The following C4orf50 variants were observed in gnomAD, a reference collection of about 807,000 sequenced individuals.
The protein encoded by C4orf50 is uncharacterized protein C4orf50.
In C4orf50, 80 loss-of-function variants were observed where a neutral mutation model predicts 77.2. The observed-to-expected ratio is 1.04, with a 90% CI of 0.87 to 1.25. The LOEUF (loss-of-function observed/expected upper bound fraction) is 1.25. Ranked by LOEUF, C4orf50 falls within the 50% of genes most tolerant of loss-of-function variation. The probability of loss-of-function intolerance (pLI) is 0.00; values close to 1 mark genes in which losing one functional copy is unlikely to be tolerated. For synonymous variants in C4orf50, 532 were observed against 465.3 expected (o/e 1.14, Z -1.84); for missense variants, 1,257 against 1,152.9 (o/e 1.09, Z -1.31).
chr4:5,909,384 G>C (rs116340590), intron 7 of C4orf50, among the ~76,000 whole-genome samples: 1,529 of 152,248 alleles, frequency 0.01, 20 homozygotes, highest in African/African-American at 0.035. Flanking sequence ...TGAATTGTTT[G>C]AGTTCCTTGT....
chr4:5,996,764 T>C (rs966962453), intron 25 of C4orf50, among the ~76,000 whole-genome samples: 3 of 152,160 alleles, frequency 2.0e-5, no homozygotes, highest in Admixed American at 1.3e-4. Context: ...TGCAGGAGCC[T>C]CAACCCAAAC....
intron 25 of C4orf50, among the ~76,000 whole-genome samples, chr4:6,006,559 C>T (rs1722260045): frequency 2.0e-5 from 3 of 152,232 alleles, no homozygotes; most frequent in Non-Finnish European, 4.4e-5. Flanking sequence ...TATCACCTGC[C>T]TTCATAAGCA....
chr4:5,964,560 G>A (rs979094928), intron 33 of C4orf50, among the ~76,000 whole-genome samples: 14 of 152,024 alleles, frequency 9.2e-5, no homozygotes, highest in African/African-American at 3.4e-4. Flanking sequence ...ATGAGGTCAG[G>A]AGTTCGAGAC....
rs1431437599 is a variant in C4orf50 at position 5,900,275 on chromosome 4, T to C, written c.*2475-2087A>G. The C allele has an allele frequency of 6.6e-6, 1 of 152,140 alleles. No homozygotes were observed. The highest frequency in any genetic ancestry group is 1.5e-5 in the Non-Finnish European group (1 of 68,028). The allele number at this position is 152,140 out of a possible 1,614,324, so 9.4% of individuals were successfully genotyped here. On this transcript the variant is annotated intron_variant, in intron 7 of 7. Transcript: ENST00000324058. This position sits in a 1 kb window ranked among gnomAD's most constrained non-coding sequence, Gnocchi z 4.3. ...ACCCCAGCTGTAAAAGGACTTGCGT[T>C]CCCTGTTCTCTCCAATGATGGGTAA...
intron 23 of C4orf50, among the ~76,000 whole-genome samples, chr4:6,014,439 T>C (rs1722607605): frequency 6.6e-6 from 1 of 152,246 alleles, no homozygotes; most frequent in African/African-American, 2.4e-5. Context: ...TGCAAAATGA[T>C]AGTGTTATGA....
intron 28 of C4orf50, among the ~76,000 whole-genome samples, chr4:5,986,921 T>C (rs1174308403): frequency 6.6e-6 from 1 of 152,170 alleles, no homozygotes; most frequent in African/African-American, 2.4e-5. Context: ...CAGTACATAT[T>C]CCTTACCTCT....
chr4:6,005,080 G>T (rs1171923206), intron 25 of C4orf50, among the ~76,000 whole-genome samples: 1 of 152,158 alleles, frequency 6.6e-6, no homozygotes, highest in Non-Finnish European at 1.5e-5. Context: ...GTAGGAGGCA[G>T]AGCTGTGCTG....
chr4:5,998,733 G>C (rs1226505545), intron 25 of C4orf50, among the ~76,000 whole-genome samples: 1 of 152,258 alleles, frequency 6.6e-6, no homozygotes, highest in Non-Finnish European at 1.5e-5. Context: ...GTCATGGTTT[G>C]CACCTGTGTC....
At chr4:5,918,913 A>G (rs903229277) in intron 7 of C4orf50, among the ~76,000 whole-genome samples, 16 of 152,122 alleles carry the variant, frequency 1.1e-4, no homozygotes, top group Non-Finnish European at 1.9e-4. Flanking sequence ...CTATCTTTTA[A>G]AGCATACCCC....
intron 7 of C4orf50, among the ~76,000 whole-genome samples, chr4:5,928,381 C>T (rs200533289): frequency 1.4e-3 from 155 of 114,384 alleles, no homozygotes; most frequent in Non-Finnish European, 2.7e-3. Context: ...CACACACATA[C>T]ACACACACAC....
chr4:5,935,988 ACGG>A (rs1234583177), intron 7 of C4orf50, among the ~76,000 whole-genome samples: 1 of 152,108 alleles, frequency 6.6e-6, no homozygotes, highest in Non-Finnish European at 1.5e-5. Flanking sequence ...TAACTTGGAT[ACGG>A]CACTTATGAT....
chr4:5,961,521 CTAT>C (rs920258300), intron 33 of C4orf50, among the ~76,000 whole-genome samples: 2 of 152,178 alleles, frequency 1.3e-5, no homozygotes, highest in African/African-American at 2.4e-5. Context: ...GAGATAAGTG[CTAT>C]TATTATCATC....
chr4:5,952,714 C>G (rs1296895989), downstream of C4orf50, among the ~76,000 whole-genome samples: 1 of 152,172 alleles, frequency 6.6e-6, no homozygotes, highest in Non-Finnish European at 1.5e-5. This position sits in a 1 kb window ranked among gnomAD's most constrained non-coding sequence, Gnocchi z 4.4. Context: ...TCGTTCTTTT[C>G]TGGATGTCTC....
chr4:6,012,020 C>T (rs1560604451), intron 23 of C4orf50, 52 bp from the exon 2 acceptor site: 1 of 398,796 alleles, frequency 2.5e-6, no homozygotes, highest in Non-Finnish European at 4.4e-6. Flanking sequence ...TCAACATGGC[C>T]TAGGGCTTTT....
Position 5,901,126 on chromosome 4 carries a change from T to C in C4orf50, c.*2475-2938A>G, listed in dbSNP as rs187397865. On this transcript the variant is annotated intron_variant, in intron 7 of 7. Coordinates refer to the C4orf50 transcript ENST00000324058. This position sits in a 1 kb window ranked among gnomAD's most constrained non-coding sequence, Gnocchi z 4.4. ...ACTAGCTGGCTGTTGCTAATCATAATCTATGAATGTGCAGTACAACCATCT... is the reference window on the plus strand; with the variant it reads ...ACTAGCTGGCTGTTGCTAATCATAACCTATGAATGTGCAGTACAACCATCT... 6.1e-4 allele frequency: 93 copies of C among 152,360 alleles called. No individual in the cohort carries two copies. Among genetic ancestry groups the C allele is most frequent in the African/African-American group, 2.0e-3 (84 of 41,586 alleles). 9.4% of individuals were successfully genotyped at this position (152,360 alleles called of 1,614,324 possible). A position where few individuals can be genotyped will look rare whatever the true frequency, so the allele number is the denominator to read the frequency against.
At chr4:5,947,577 G>C (rs931889754) in intron 7 of C4orf50, among the ~76,000 whole-genome samples, 2 of 152,172 alleles carry the variant, frequency 1.3e-5, no homozygotes, top group African/African-American at 4.8e-5. Context: ...TGAGAGGCTA[G>C]GGAGCCCCTT....
chr4:5,940,872 A>C (rs1278560226), intron 7 of C4orf50, among the ~76,000 whole-genome samples: 1 of 152,170 alleles, frequency 6.6e-6, no homozygotes, highest in Non-Finnish European at 1.5e-5. Context: ...GGCTGAGAGG[A>C]TACTTGGAGC....
intron 7 of C4orf50, among the ~76,000 whole-genome samples, chr4:5,910,961 G>A (rs1027114978): frequency 9.0e-5 from 13 of 143,990 alleles, no homozygotes; most frequent in East Asian, 4.1e-4. Context: ...GCTGGAGTGC[G>A]GTGGTGTGAA....
rs1722740736 is a variant in C4orf50, at chr4:6,017,947, G to A, written c.287+198C>T. ...GAAGCCTTTGAGCAGAGGAGCCCGG[G>A]CAGCCTCATCTGCAGGTACAGAGCA... On this transcript the variant is annotated intron_variant, in intron 23 of 33. Transcript: ENST00000531445. This position sits in a 1 kb window ranked among gnomAD's most constrained non-coding sequence, Gnocchi z 4.7. 6.6e-6 allele frequency among the ~76,000 whole-genome samples: 1 copy of A among 152,152 alleles called. No homozygotes were observed. Among genetic ancestry groups the A allele is most frequent in the African/African-American group, 2.4e-5 (1 of 41,430 alleles).
Sources: allele counts gnomAD v4.1 joint callset (sites outside exome capture counted in the v4.1 genomes callset), GRCh38; gene constraint gnomAD v4.1.1; non-coding constraint Gnocchi (gnomAD v3.1); transcripts MANE v1.5; gene names NCBI Gene and HGNC (gene_info 2026-07-23, HGNC 2026-07-21).